Variants in IQCE observed in about 807,000 individuals in gnomAD.
IQCE encodes the protein IQ domain-containing protein E.
In IQCE, 115 loss-of-function variants were observed where a neutral mutation model predicts 96.0. The observed-to-expected ratio is 1.20, with a 90% CI of 1.03 to 1.40. The LOEUF (loss-of-function observed/expected upper bound fraction) is 1.40, where lower values mean the gene tolerates loss of function less well. IQCE is among the 40% of genes most tolerant of loss of function. The probability of loss-of-function intolerance (pLI) is 0.00; values close to 1 mark genes in which losing one functional copy is unlikely to be tolerated. For synonymous variants in IQCE, 412 were observed against 371.2 expected (o/e 1.11, Z -1.26); for missense variants, 1,041 against 909.1 (o/e 1.15, Z -1.87).
chr7:2,564,254 T>G (rs538747312), intron 1 of IQCE, among the ~76,000 whole-genome samples: 60 of 152,082 alleles, frequency 3.9e-4, no homozygotes, highest in Non-Finnish European at 7.9e-4. Context: ...TTTTTAAATT[T>G]CCCTTGTGAT....
intron 6 of IQCE, among the ~76,000 whole-genome samples, chr7:2,576,760 A>G (rs1782154491): frequency 6.6e-6 from 1 of 152,206 alleles, no homozygotes. Context: ...GAATTTGTCC[A>G]CAGATAAAGA....
At chr7:2,603,486 GC>G (rs1404649267) in intron 18 of IQCE, among the ~76,000 whole-genome samples, 1 of 152,046 alleles carries the variant, frequency 6.6e-6, no homozygotes, top group Non-Finnish European at 1.5e-5. Flanking sequence ...TCTCCCTGGC[GC>G]CCCCCATGCC....
intron 1 of IQCE, among the ~76,000 whole-genome samples, chr7:2,564,808 T>C (rs1781239874): frequency 6.6e-6 from 1 of 152,002 alleles, no homozygotes; most frequent in Non-Finnish European, 1.5e-5. Context: ...GTCTGTTAGG[T>C]TTTTAGTGTC....
rs1781099286 is a variant in IQCE, at chr7:2,563,225, G to A, written c.37-3891G>A. 1.3e-5 allele frequency among the ~76,000 whole-genome samples: 2 copies of A among 152,104 alleles called. 1 individual carries two copies. The highest frequency in any genetic ancestry group is 1.3e-4 in the Admixed American group (2 of 15,270). On this transcript the variant is annotated intron_variant, in intron 1 of 21. Transcript: ENST00000402050. ...ACAGGCATGAGCAGGTGCTCAGCTT[G>A]CTTTTGTTTCTTTGCGCCTGGAGTG...
rs145573941 is a variant in IQCE, at chr7:2,572,180, C to T, written c.260-12C>T. The T allele has an allele frequency of 1.2e-6, 2 of 1,610,500 alleles. No homozygotes were observed. The highest frequency in any genetic ancestry group is 1.7e-5 in the Admixed American group (1 of 59,226). ...GTATCTGTCATATTAAACCCATGCACATTCAAACCAGGAAGTCTGACCCAG... is the reference window on the plus strand; with the variant it reads ...GTATCTGTCATATTAAACCCATGCATATTCAAACCAGGAAGTCTGACCCAG... On this transcript the variant is annotated splice_polypyrimidine_tract_variant and intron_variant, in intron 4 of 21. Transcript: ENST00000402050.
At chr7:2,607,935 T>TGGCGTGC (rs1285009306) in intron 21 of IQCE, among the ~76,000 whole-genome samples, 2 of 152,064 alleles carry the variant, frequency 1.3e-5, no homozygotes, top group East Asian at 3.9e-4. Context: ...GAGGGGAGTG[T>TGGCGTGC]GGCGTGCGGG....
intron 12 of IQCE, 115 bp from the exon 13 acceptor site, chr7:2,587,707 A>C (rs1355155485): frequency 1.6e-5 from 16 of 1,028,390 alleles, no homozygotes; most frequent in Non-Finnish European, 2.4e-5. Context: ...GTGGCTCTGC[A>C]GCCCCGCAGG....
intron 9 of IQCE, 85 bp from the exon 10 acceptor site, chr7:2,583,552 C>T: frequency 3.9e-6 from 4 of 1,033,552 alleles, no homozygotes; most frequent in Middle Eastern, 4.5e-4. Flanking sequence ...CTCTCCTCTT[C>T]TGAACGTTCT....
intron 7 of IQCE, 29 bp downstream of exon 7, chr7:2,578,384 C>T (rs747975555): frequency 6.2e-7 from 1 of 1,611,050 alleles, no homozygotes; most frequent in African/African-American, 1.3e-5. Context: ...ACGGACGGGG[C>T]AAGGGGAGGG....
rs1245379746 is a variant in IQCE, at chr7:2,608,309, T to G, written c.1969+1082T>G. On this transcript the variant is annotated intron_variant, in intron 21 of 21. Coordinates refer to ENST00000402050, the MANE Select transcript of IQCE (RefSeq NM_152558.5). Reference sequence around the variant, plus strand: ...GGAAGAGGCCGTTTTGAGGCCCGCATCAGACCTGGAGCCCGAGAGCCTTCC... The same window carrying G: ...GGAAGAGGCCGTTTTGAGGCCCGCAGCAGACCTGGAGCCCGAGAGCCTTCC... Among the ~76,000 whole-genome samples the G allele has an allele frequency of 3.1e-4, 47 of 152,288 alleles. 1 individual carries two copies. The highest frequency in any genetic ancestry group is 5.9e-5 in the Non-Finnish European group (4 of 68,022).
intron 3 of IQCE, among the ~76,000 whole-genome samples, chr7:2,570,303 G>A (rs1482511421): frequency 1.3e-5 from 2 of 151,888 alleles, no homozygotes; most frequent in Non-Finnish European, 2.9e-5. Flanking sequence ...TTTTATCCCC[G>A]CTTTCATGCT....
chr7:2,584,124 G>T (rs1415821291), intron 10 of IQCE, 112 bp from the exon 11 acceptor site: 1 of 945,010 alleles, frequency 1.1e-6, no homozygotes, highest in Non-Finnish European at 1.7e-6. Context: ...CGGCCACTTA[G>T]TTCCCGCTTC....
intron 10 of IQCE, 42 bp from the exon 11 acceptor site, chr7:2,584,194 G>A (rs1470635660): frequency 1.9e-6 from 3 of 1,570,648 alleles, no homozygotes; most frequent in Non-Finnish European, 2.6e-6. Context: ...TCTTCTCCAT[G>A]CTAGCCTTGT....
intron 10 of IQCE, 138 bp from the exon 11 acceptor site, chr7:2,584,098 A>C (rs974916058): frequency 1.3e-6 from 1 of 787,156 alleles, no homozygotes; most frequent in African/African-American, 1.7e-5. Context: ...CTTCAGCCCA[A>C]CGGAAAGATG....
Position 2,588,965 on chromosome 7 carries a change from T to C in IQCE, c.1045-942T>C, listed in dbSNP as rs150575663. Among the ~76,000 whole-genome samples, 43 of 152,284 alleles carry C rather than the reference T, an allele frequency of 2.8e-4. No homozygotes were observed. The East Asian group carries it at 8.1e-3, about 29-fold the overall frequency. On this transcript the variant is annotated intron_variant, in intron 13 of 21. Coordinates refer to ENST00000402050, the MANE Select transcript of IQCE (RefSeq NM_152558.5). Reference sequence around the variant, plus strand: ...CAGTCGTGAGCCACCGCGCCTGGCCTGGACCTTTGTATTTTAAATAGTAAA... The same window carrying C: ...CAGTCGTGAGCCACCGCGCCTGGCCCGGACCTTTGTATTTTAAATAGTAAA...
chr7:2,598,874 C>T (rs537236226), intron 17 of IQCE: 6 of 385,758 alleles, frequency 1.6e-5, no homozygotes, highest in South Asian at 1.2e-4. Flanking sequence ...CAGAACTATT[C>T]GAAAGTAAGT....
intron 1 of IQCE, among the ~76,000 whole-genome samples, chr7:2,562,739 T>C (rs886707631): frequency 1.3e-4 from 20 of 152,198 alleles, no homozygotes; most frequent in African/African-American, 4.6e-4. Flanking sequence ...TTCTATTTCA[T>C]TTATTCACTG....
chr7:2,583,427 C>T (rs1782832196), intron 9 of IQCE, among the ~76,000 whole-genome samples: 1 of 151,942 alleles, frequency 6.6e-6, no homozygotes, highest in Admixed American at 6.6e-5. Context: ...ACAGGAGATG[C>T]TTTCCAGCGT....
At chr7:2,603,907 G>C (rs1784609869) in intron 18 of IQCE, among the ~76,000 whole-genome samples, 1 of 151,996 alleles carries the variant, frequency 6.6e-6, no homozygotes, top group Non-Finnish European at 1.5e-5. Flanking sequence ...GGCTGGGAGG[G>C]TTCACAGGGC....
Sources: allele counts gnomAD v4.1 joint callset (sites outside exome capture counted in the v4.1 genomes callset), GRCh38; gene constraint gnomAD v4.1.1; transcripts MANE v1.5; gene names NCBI Gene and HGNC (gene_info 2026-07-23, HGNC 2026-07-21).